KANSL1: variants seen among roughly 807,000 people sequenced by gnomAD.
KANSL1 encodes MLL1/MLL complex subunit KANSL1.
A neutral mutation model predicts 103.6 loss-of-function variants in KANSL1; 22 were observed. That is an observed-to-expected ratio of 0.21 (90% CI 0.15 to 0.30). The LOEUF (loss-of-function observed/expected upper bound fraction) is 0.30, where lower values mean the gene tolerates loss of function less well. KANSL1 is among the 10% of genes least tolerant of loss of function. The probability of loss-of-function intolerance (pLI) is 1.00; values close to 1 mark genes in which losing one functional copy is unlikely to be tolerated. For synonymous variants in KANSL1, 600 were observed against 527.6 expected (o/e 1.14, Z -1.88); for missense variants, 1,337 against 1,399.8 (o/e 0.96, Z 0.72).
intron 2 of KANSL1, among the ~76,000 whole-genome samples, chr17:46,151,257 C>T (rs1370553740): frequency 6.6e-6 from 1 of 152,250 alleles, no homozygotes; most frequent in African/African-American, 2.4e-5. Context: ...GATCAGCATG[C>T]ATGCTCCTGC....
upstream of KANSL1, chr17:46,224,979 G>A (rs1008626946): frequency 1.1e-4 from 17 of 151,426 alleles, no homozygotes; most frequent in African/African-American, 3.1e-4. Flanking sequence ...GTCCCACCTC[G>A]GCTCGGCCTG....
chr17:46,120,823 C>G (rs1358457643), intron 2 of KANSL1, among the ~76,000 whole-genome samples: 1 of 152,258 alleles, frequency 6.6e-6, no homozygotes, highest in Middle Eastern at 3.4e-3. Flanking sequence ...CATGTACTTA[C>G]CACGAAATTT....
chr17:46,143,964 T>C (rs1337575403), intron 2 of KANSL1, among the ~76,000 whole-genome samples: 4 of 152,218 alleles, frequency 2.6e-5, no homozygotes, highest in Non-Finnish European at 5.9e-5. Context: ...ATGTTTCCTA[T>C]GCTACCCCAA....
intron 1 of KANSL1, among the ~76,000 whole-genome samples, chr17:46,208,397 A>G (rs891067396): frequency 2.6e-5 from 4 of 152,034 alleles, no homozygotes; most frequent in African/African-American, 7.2e-5. Flanking sequence ...GCATCGCTTG[A>G]GCTCAGGAAT....
chr17:46,172,159 A>G lies in KANSL1; in HGVS notation c.-16T>C. 1 of 1,597,604 alleles carries G rather than the reference A, an allele frequency of 6.3e-7. No individual in the cohort carries two copies. The highest frequency in any genetic ancestry group is 8.5e-7 in the Non-Finnish European group (1 of 1,178,096). ...TCGCAGCCATTCAGCACAGAGAGAC[A>G]GGAAGTCCAGCCTCTCCCGATGCCG... On this transcript the variant is annotated 5_prime_UTR_variant, in exon 2 of 15. Coordinates refer to ENST00000432791, the MANE Select transcript of KANSL1 (RefSeq NM_015443.4).
chr17:46,186,877 G>A (rs1013288508), intron 1 of KANSL1, among the ~76,000 whole-genome samples: 4 of 151,914 alleles, frequency 2.6e-5, no homozygotes, highest in South Asian at 2.1e-4. Context: ...ACAGGCATGC[G>A]CCACCATGTC....
chr17:46,183,800 C>G (rs754861742), intron 1 of KANSL1, among the ~76,000 whole-genome samples: 2 of 151,984 alleles, frequency 1.3e-5, no homozygotes, highest in Non-Finnish European at 2.9e-5. Context: ...GTAATCCCAG[C>G]TATTCAGAAG....
intron 6 of KANSL1, among the ~76,000 whole-genome samples, chr17:46,064,764 A>G (rs2078312645): frequency 6.6e-6 from 1 of 151,972 alleles, no homozygotes; most frequent in Non-Finnish European, 1.5e-5. Context: ...AGGAATACCT[A>G]AGCTCTGGAA....
intron 2 of KANSL1, among the ~76,000 whole-genome samples, chr17:46,107,141 T>C (rs1288687689): frequency 6.6e-6 from 1 of 152,216 alleles, no homozygotes; most frequent in East Asian, 1.9e-4. Flanking sequence ...GACAGGCTCA[T>C]TCCCTGCCTC....
chr17:46,183,311 A>G (rs1389734959), intron 1 of KANSL1, among the ~76,000 whole-genome samples: 1 of 152,090 alleles, frequency 6.6e-6, no homozygotes, highest in African/African-American at 2.4e-5. Flanking sequence ...CTACCATGGT[A>G]GCTCACACTT....
rs142096969 is a variant in KANSL1 at position 46,171,417 on chromosome 17, G to T, written c.727C>A (p.Gln243Lys). ...CCAGGTGATAATCTACTGCTTCCTT[G>T]AAGTGCCGGCTGTTCCATGGAATTG... ...SVNSMEQPAL[Q>K]GSSRLSPGTD... The change falls in exon 2 of 15, where the codon CAA (glutamine) becomes AAA (lysine). Residue 243 changes from glutamine (Q) to lysine (K), a missense_variant. By Grantham distance (53) the Gln-to-Lys change is moderately conservative. Around this residue, in one of 2 missense-constraint regions of KANSL1, gnomAD observed 557 missense variants for 476.4 expected, o/e 1.17. Coordinates refer to ENST00000432791, the MANE Select transcript of KANSL1 (RefSeq NM_015443.4). 3,652 of 1,612,980 alleles carry T rather than the reference G, an allele frequency of 2.3e-3. 1 individual carries two copies. Among genetic ancestry groups the T allele is most frequent in the Non-Finnish European group, 2.7e-3 (3,174 of 1,178,960 alleles).
intron 1 of KANSL1, among the ~76,000 whole-genome samples, chr17:46,218,655 C>T (rs1328095850): frequency 5.9e-5 from 9 of 151,954 alleles, no homozygotes; most frequent in East Asian, 1.9e-4. Context: ...TGCTGGCATG[C>T]GCCTGTAATC....
At chr17:46,154,040 C>G (rs2045278867) in intron 2 of KANSL1, among the ~76,000 whole-genome samples, 1 of 152,236 alleles carries the variant, frequency 6.6e-6, no homozygotes, top group Admixed American at 6.5e-5. Flanking sequence ...ATCGACCTCA[C>G]TCCCTTAACC....
chr17:46,088,028 G>A (rs1241860366), intron 3 of KANSL1, among the ~76,000 whole-genome samples: 1 of 152,162 alleles, frequency 6.6e-6, no homozygotes, highest in Admixed American at 6.5e-5. Flanking sequence ...GGTAGAAGCC[G>A]AAGAAAAAGG....
At chr17:46,066,242 A>C (rs1428377908) in intron 6 of KANSL1, among the ~76,000 whole-genome samples, 2 of 152,206 alleles carry the variant, frequency 1.3e-5, no homozygotes, top group Admixed American at 1.3e-4. Flanking sequence ...TTCTCCTTCA[A>C]AGTGTTAAGG....
At chr17:46,111,420 G>A (rs570689833) in intron 2 of KANSL1, among the ~76,000 whole-genome samples, 1 of 152,242 alleles carries the variant, frequency 6.6e-6, no homozygotes, top group African/African-American at 2.4e-5. Flanking sequence ...ATGTTGGCCA[G>A]GCTGGTCTCA....
chr17:46,191,599 T>C (rs992534911), intron 1 of KANSL1, among the ~76,000 whole-genome samples: 9 of 152,254 alleles, frequency 5.9e-5, no homozygotes, highest in Admixed American at 3.9e-4. Context: ...AACTATATCA[T>C]GATTATGCAA....
chr17:46,180,155 G>A (rs1193106307), intron 1 of KANSL1, among the ~76,000 whole-genome samples: 1 of 152,112 alleles, frequency 6.6e-6, no homozygotes, highest in African/African-American at 2.4e-5. Flanking sequence ...GCAGTTTGAA[G>A]CCAGATCCTT....
At chr17:46,163,271 C>A (rs1256395173) in intron 2 of KANSL1, among the ~76,000 whole-genome samples, 1 of 152,230 alleles carries the variant, frequency 6.6e-6, no homozygotes, top group Non-Finnish European at 1.5e-5. Flanking sequence ...ATGAATTAAT[C>A]AAATCCAAAC....
Sources: gnomAD v4.1 joint callset for allele counts (sites outside exome capture counted in the v4.1 genomes callset) on GRCh38, gnomAD v4.1.1 for gene constraint, gnomAD v4.1.1 regional missense constraint, MANE v1.5 for transcripts, NCBI Gene and HGNC (gene_info 2026-07-23, HGNC 2026-07-21) for gene names.